Variants in LSAMP observed in about 807,000 individuals in gnomAD.
The protein encoded by LSAMP is limbic system associated membrane protein.
In LSAMP, 7 loss-of-function variants were observed where a neutral mutation model predicts 38.6. That is an observed-to-expected ratio of 0.18 (90% confidence interval 0.10 to 0.34). The LOEUF is 0.34. Ranked by LOEUF, LSAMP falls within the 10% of genes least tolerant of loss-of-function variation. LSAMP has a pLI of 1.00. For synonymous variants in LSAMP, 154 were observed against 166.8 expected (o/e 0.92, Z 0.59); for missense variants, 313 against 420.0 (o/e 0.75, Z 2.23).
intron 3 of LSAMP, among the ~76,000 whole-genome samples, chr3:115,910,741 C>A (rs922715266): frequency 3.9e-5 from 6 of 152,184 alleles, no homozygotes; most frequent in African/African-American, 1.2e-4. Flanking sequence ...ACCTCTTCTT[C>A]ATTTCTATAA....
At chr3:115,841,750 G>C in intron 6 of LSAMP, 95 bp downstream of exon 6, 2 of 1,444,940 alleles carry the variant, frequency 1.4e-6, no homozygotes, top group Non-Finnish European at 1.9e-6. Flanking sequence ...TTGTTTTTAA[G>C]TGAACTTTTA....
intron 1 of LSAMP, among the ~76,000 whole-genome samples, chr3:116,246,638 C>T (rs1223907713): frequency 6.6e-6 from 1 of 152,180 alleles, no homozygotes; most frequent in Admixed American, 6.5e-5. Flanking sequence ...CCGTGATAAA[C>T]AACCCAACTG....
chr3:116,215,329 T>A (rs969701323), intron 1 of LSAMP, among the ~76,000 whole-genome samples: 2 of 152,262 alleles, frequency 1.3e-5, no homozygotes, highest in Admixed American at 1.3e-4. Flanking sequence ...TGCAGTTGGG[T>A]ATAAACATGA....
intron 1 of LSAMP, among the ~76,000 whole-genome samples, chr3:116,317,029 T>C (rs1166774874): frequency 1.3e-5 from 2 of 152,072 alleles, no homozygotes; most frequent in Non-Finnish European, 2.9e-5. Flanking sequence ...TGCAGCTAGC[T>C]AGAGGTTTGC....
At chr3:116,210,250 G>A (rs909383311) in intron 1 of LSAMP, among the ~76,000 whole-genome samples, 1 of 152,176 alleles carries the variant, frequency 6.6e-6, no homozygotes, top group Non-Finnish European at 1.5e-5. Flanking sequence ...GTTCCTGGGT[G>A]TGTCTGTGAG....
At chr3:116,137,011 G>A (rs917712961) in intron 1 of LSAMP, among the ~76,000 whole-genome samples, 2 of 152,044 alleles carry the variant, frequency 1.3e-5, no homozygotes, top group African/African-American at 4.8e-5. Context: ...AGGTTCTAAA[G>A]GTTTTAGGGA....
chr3:116,321,375 A>AAAAAC (rs771337541), intron 1 of LSAMP, among the ~76,000 whole-genome samples: 2 of 152,148 alleles, frequency 1.3e-5, no homozygotes, highest in Non-Finnish European at 2.9e-5. Context: ...TCTGCCTCAA[A>AAAAAC]AAAACAAAAA....
chr3:115,956,507 G>A (rs1938459455), intron 3 of LSAMP, among the ~76,000 whole-genome samples: 1 of 151,856 alleles, frequency 6.6e-6, no homozygotes, highest in Admixed American at 6.6e-5. Context: ...TTTAACATCT[G>A]GTTGGTTGCC....
intron 3 of LSAMP, among the ~76,000 whole-genome samples, chr3:115,945,183 G>A (rs1251144361): frequency 6.6e-6 from 1 of 151,708 alleles, no homozygotes; most frequent in Non-Finnish European, 1.5e-5. Flanking sequence ...TCCCTTATTT[G>A]CTTTGTTTAC....
chr3:116,375,013 G>T (rs991467289), intron 1 of LSAMP, among the ~76,000 whole-genome samples: 2 of 151,914 alleles, frequency 1.3e-5, no homozygotes, highest in African/African-American at 4.8e-5. Context: ...GCACAAAAAA[G>T]AGTTGATTCC....
chr3:116,251,236 A>G (rs1015732027), intron 1 of LSAMP, among the ~76,000 whole-genome samples: 4 of 152,236 alleles, frequency 2.6e-5, no homozygotes, highest in African/African-American at 9.6e-5. Flanking sequence ...TTAAACATCA[A>G]TTTAACTTAT....
rs566211584 is a variant in LSAMP, at chr3:115,947,515, T to C, written c.514+72000A>G. Among the ~76,000 whole-genome samples, 4 of 152,214 alleles carry C rather than the reference T, an allele frequency of 2.6e-5. No homozygotes were observed. The East Asian group carries it at 7.7e-4, about 29-fold the overall frequency. The stretch of plus-strand genomic sequence containing the variant: ...GACAGTATTTATGATAGTGGTTACG[T>C]TGGGAGAAGTGATACTGACCACAAG... On this transcript the variant is annotated intron_variant, in intron 3 of 6. Coordinates refer to ENST00000490035, the MANE Select transcript of LSAMP (RefSeq NM_002338.5).
chr3:116,342,182 C>T (rs2048004307), intron 1 of LSAMP, among the ~76,000 whole-genome samples: 1 of 152,012 alleles, frequency 6.6e-6, no homozygotes, highest in Non-Finnish European at 1.5e-5. Flanking sequence ...CCTCTTCCCA[C>T]TTGCAAGGTA....
At chr3:116,122,317 T>A (rs1042211968) in intron 1 of LSAMP, among the ~76,000 whole-genome samples, 1 of 152,222 alleles carries the variant, frequency 6.6e-6, no homozygotes, top group Non-Finnish European at 1.5e-5. Flanking sequence ...ATGTTGATGA[T>A]GGTAATTACC....
Position 115,808,322 on chromosome 3 carries a change from T to G in LSAMP, c.*1995A>C, listed in dbSNP as rs1294802944. Reference sequence around the variant, plus strand: ...TGCAAGATTACATTCAAATATAATCTCAAAATAATTCTCTGTCCTCTCATG... The same window carrying G: ...TGCAAGATTACATTCAAATATAATCGCAAAATAATTCTCTGTCCTCTCATG... On this transcript the variant is annotated 3_prime_UTR_variant, in exon 7 of 7. Transcript: ENST00000490035. 1 of 151,860 alleles carries G rather than the reference T, an allele frequency of 6.6e-6. No individual in the cohort carries two copies. The highest frequency in any genetic ancestry group is 1.5e-5 in the Non-Finnish European group (1 of 67,986). The allele number at this position is 151,860 out of a possible 1,614,324, so 9.4% of individuals were successfully genotyped here. A position where few individuals can be genotyped will look rare whatever the true frequency, so the allele number is the denominator to read the frequency against.
intron 1 of LSAMP, among the ~76,000 whole-genome samples, chr3:116,117,456 C>T (rs1708777753): frequency 6.6e-6 from 1 of 152,204 alleles, no homozygotes; most frequent in Non-Finnish European, 1.5e-5. Context: ...TAGTATGGTA[C>T]ATTTCCCATA....
At chr3:115,900,082 T>C (rs928417188) in intron 3 of LSAMP, among the ~76,000 whole-genome samples, 3 of 152,226 alleles carry the variant, frequency 2.0e-5, no homozygotes, top group African/African-American at 7.2e-5. Context: ...GATATTTGTT[T>C]CTTTACCTGT....
At chr3:115,909,240 G>A (rs1937082265) in intron 3 of LSAMP, among the ~76,000 whole-genome samples, 4 of 152,094 alleles carry the variant, frequency 2.6e-5, no homozygotes, top group Non-Finnish European at 2.9e-5. Flanking sequence ...GAAATTCCAC[G>A]TTTTGATTCT....
At chr3:116,422,476 AAG>A (rs890096885) in intron 1 of LSAMP, among the ~76,000 whole-genome samples, 2 of 152,206 alleles carry the variant, frequency 1.3e-5, no homozygotes, top group African/African-American at 4.8e-5. Context: ...CATTTTATAG[AAG>A]AGACTTGATT....
Sources: allele counts gnomAD v4.1 joint callset (sites outside exome capture counted in the v4.1 genomes callset), GRCh38; gene constraint gnomAD v4.1.1; transcripts MANE v1.5; gene names NCBI Gene and HGNC (gene_info 2026-07-23, HGNC 2026-07-21).